The following ATXN10 variants were observed in gnomAD, a reference collection of about 807,000 sequenced individuals.
The protein encoded by ATXN10 is ataxin 10, also known as ataxin-10.
Under a neutral mutation model 52.9 loss-of-function variants are expected in ATXN10, and 28 were observed. The observed-to-expected ratio is 0.53, with a 90% CI of 0.39 to 0.73. The LOEUF (loss-of-function observed/expected upper bound fraction) is 0.73. Ranked by LOEUF, ATXN10 falls within the 30% of genes least tolerant of loss-of-function variation. The pLI is 0.00. For synonymous variants in ATXN10, 226 were observed against 221.5 expected, an observed-to-expected ratio of 1.02 and a Z score of -0.18; for missense variants, 565 against 577.0, an observed-to-expected ratio of 0.98 and a Z score of 0.21.
rs541947737 is a variant in ATXN10 at position 45,790,994 on chromosome 22, A to G, written c.1174-15965A>G. 7.9e-5 allele frequency among the ~76,000 whole-genome samples: 12 copies of G among 152,234 alleles called. No homozygotes were observed. The East Asian group carries it at 2.3e-3, about 29-fold the overall frequency. ...CTCAGCCTCCCCAGTAGCTGGGACT[A>G]CAGTTACACACTGTCACACCCAGCT... On this transcript the variant is annotated intron_variant, in intron 9 of 11. Coordinates refer to ENST00000252934, the MANE Select transcript of ATXN10 (RefSeq NM_013236.4). This position sits in a 1 kb window ranked among gnomAD's most constrained non-coding sequence, Gnocchi z 4.7.
intron 10 of ATXN10, among the ~76,000 whole-genome samples, chr22:45,830,716 T>A (rs1928963550): frequency 6.6e-6 from 1 of 150,858 alleles, no homozygotes; most frequent in Admixed American, 6.6e-5. Flanking sequence ...AAACAAGTCT[T>A]GGCATGAATG....
rs1340870531 is a variant in ATXN10, at chr22:45,833,821, C to T, written c.1238-9170C>T. On this transcript the variant is annotated intron_variant, in intron 10 of 11. Coordinates refer to ENST00000252934, the MANE Select transcript of ATXN10 (RefSeq NM_013236.4). The surrounding 1 kb of genome is among the most constrained non-coding windows in gnomAD (Gnocchi z 4.3). Reference sequence around the variant, plus strand: ...GAACTGCTCTGCCCTCCAGAGGTCTCTCTGGATGGACTGGTCGCGAGAGCA... The same window carrying T: ...GAACTGCTCTGCCCTCCAGAGGTCTTTCTGGATGGACTGGTCGCGAGAGCA... Among the ~76,000 whole-genome samples, 1 of 152,140 alleles carries T rather than the reference C, an allele frequency of 6.6e-6. No individual in the cohort carries two copies.
rs1360592376 is a variant in ATXN10, at chr22:45,805,274, G to T, written c.1174-1685G>T. 6.6e-6 allele frequency among the ~76,000 whole-genome samples: 1 copy of T among 152,214 alleles called. No homozygotes were observed. Among genetic ancestry groups the T allele is most frequent in the African/African-American group, 2.4e-5 (1 of 41,462 alleles). ...TTGCTGGGTGAAAATGTAAAATACTGTAAACACTGTGAAAACAGTCTGGCT... is the reference window on the plus strand; with the variant it reads ...TTGCTGGGTGAAAATGTAAAATACTTTAAACACTGTGAAAACAGTCTGGCT... On this transcript the variant is annotated intron_variant, in intron 9 of 11. Coordinates refer to ENST00000252934, the MANE Select transcript of ATXN10 (RefSeq NM_013236.4). The surrounding 1 kb of genome is among the most constrained non-coding windows in gnomAD (Gnocchi z 4.4).
rs1039995072 is a variant in ATXN10 at position 45,844,941 on chromosome 22, G to C, written c.*1270G>C. ...TGAAGTAAAAGTTTTCCCATGTGCT[G>C]TCTAATGTACTCTGTGTAACTCTGA... On this transcript the variant is annotated 3_prime_UTR_variant, in exon 12 of 12. Coordinates refer to ENST00000252934, the MANE Select transcript of ATXN10 (RefSeq NM_013236.4). 2 of 152,232 alleles carry C rather than the reference G, an allele frequency of 1.3e-5. No individual in the cohort carries two copies. Among genetic ancestry groups the C allele is most frequent in the Non-Finnish European group, 2.9e-5 (2 of 68,042 alleles). 9.4% of individuals were successfully genotyped at this position (152,232 alleles called of 1,614,324 possible).
intron 6 of ATXN10, among the ~76,000 whole-genome samples, chr22:45,724,351 A>G (rs1924783796): frequency 6.6e-6 from 1 of 152,076 alleles, no homozygotes. Context: ...TGACTTTTTA[A>G]TAATGGCCAC....
chr22:45,762,743 C>T lies in ATXN10; in HGVS notation c.1173+22205C>T, dbSNP rs1042219974. ...TCCAGGCTGGTGACCTCACATGGCC[C>T]CAGCCATCTCTCCACATCCTCCCCT... On this transcript the variant is annotated intron_variant, in intron 9 of 11. Coordinates refer to ENST00000252934, the MANE Select transcript of ATXN10 (RefSeq NM_013236.4). The surrounding 1 kb of genome is among the most constrained non-coding windows in gnomAD (Gnocchi z 4.3). 1.3e-5 allele frequency among the ~76,000 whole-genome samples: 2 copies of T among 152,182 alleles called. No individual in the cohort carries two copies. Among genetic ancestry groups the T allele is most frequent in the Non-Finnish European group, 2.9e-5 (2 of 68,028 alleles).
chr22:45,739,911 G>A (rs1314416335), intron 8 of ATXN10, among the ~76,000 whole-genome samples: 1 of 152,100 alleles, frequency 6.6e-6, no homozygotes, highest in Non-Finnish European at 1.5e-5. Context: ...GGCTTCTGAT[G>A]ATTTGGCCAG....
At chr22:45,730,134 A>G (rs1329183398) in intron 7 of ATXN10, among the ~76,000 whole-genome samples, 5 of 152,116 alleles carry the variant, frequency 3.3e-5, no homozygotes, top group Non-Finnish European at 5.9e-5. Context: ...GCTTGAGCCC[A>G]GGAATTCCAG....
rs751069204 is a variant in ATXN10, at chr22:45,718,962, C to T, written c.728+469C>T. 6.6e-6 allele frequency among the ~76,000 whole-genome samples: 1 copy of T among 151,886 alleles called. No individual in the cohort carries two copies. The highest frequency in any genetic ancestry group is 6.6e-5 in the Admixed American group (1 of 15,236). ...TTACTGTAGTAGGAAAAACAGTGAC[C>T]TAGGAGTTCTAAGACACTGGCCCTG... On this transcript the variant is annotated intron_variant, in intron 6 of 11. Coordinates refer to ENST00000252934, the MANE Select transcript of ATXN10 (RefSeq NM_013236.4). This position sits in a 1 kb window ranked among gnomAD's most constrained non-coding sequence, Gnocchi z 4.4.
At position 45,772,015 on chromosome 22, in the gene ATXN10, A is replaced by G. The variant is rs135987; in HGVS notation, c.1173+31477A>G. Among the ~76,000 whole-genome samples, 10,704 of 152,264 alleles carry G rather than the reference A, an allele frequency of 0.07. 1,148 individuals are homozygous for G. The highest frequency in any genetic ancestry group is 0.24 in the African/African-American group (9,823 of 41,504). ...AGATGTGATCCACAGTATTTTCTTT[A>G]GTCAGTAGCCCACATTTTCATTCTC... On this transcript the variant is annotated intron_variant, in intron 9 of 11. Transcript: ENST00000252934. This position sits in a 1 kb window ranked among gnomAD's most constrained non-coding sequence, Gnocchi z 4.1.
rs1927207465 is a variant in ATXN10 at position 45,783,131 on chromosome 22, A to G, written c.1174-23828A>G. ...TCTTTGGCATATTCAAATTGGCAGC[A>G]TCACTACTCTTGTACTTTGAGGTCA... On this transcript the variant is annotated intron_variant, in intron 9 of 11. Transcript: ENST00000252934. The surrounding 1 kb of genome is among the most constrained non-coding windows in gnomAD (Gnocchi z 5.0). Among the ~76,000 whole-genome samples the G allele has an allele frequency of 6.6e-6, 1 of 152,224 alleles. No individual in the cohort carries two copies. The highest frequency in any genetic ancestry group is 2.1e-4 in the South Asian group (1 of 4,836).
intron 1 of ATXN10, chr22:45,672,623 T>G (rs1922511338): frequency 6.5e-6 from 1 of 152,914 alleles, no homozygotes; most frequent in South Asian, 2.1e-4. Context: ...GATGGCAGTC[T>G]CTAGGCATGG....
chr22:45,747,199 G>A (rs908729857), intron 9 of ATXN10, among the ~76,000 whole-genome samples: 1 of 152,126 alleles, frequency 6.6e-6, no homozygotes, highest in Admixed American at 6.5e-5. Context: ...ATTCCAGGCA[G>A]GGTATTGAAA....
chr22:45,716,588 A>T (rs1041424790), intron 5 of ATXN10, among the ~76,000 whole-genome samples: 1 of 151,772 alleles, frequency 6.6e-6, no homozygotes, highest in Admixed American at 6.6e-5. Context: ...CAAGTAATCC[A>T]CCCACCTCAG....
intron 9 of ATXN10, among the ~76,000 whole-genome samples, chr22:45,747,597 G>T (rs888463618): frequency 6.6e-6 from 1 of 152,168 alleles, no homozygotes; most frequent in Admixed American, 6.5e-5. Context: ...CCACGTGTGT[G>T]CTGTTTATAG....
At position 45,757,300 on chromosome 22, in the gene ATXN10, C is replaced by T. The variant is rs1469000931; in HGVS notation, c.1173+16762C>T. Among the ~76,000 whole-genome samples the T allele has an allele frequency of 6.6e-6, 1 of 152,198 alleles. No homozygotes were observed. The highest frequency in any genetic ancestry group is 1.5e-5 in the Non-Finnish European group (1 of 68,032). ...AGCTACACCCTCCTCCCTCCCCTAGCCCCACACAAAACAAAAATGCCTCAG... is the reference window on the plus strand; with the variant it reads ...AGCTACACCCTCCTCCCTCCCCTAGTCCCACACAAAACAAAAATGCCTCAG... On this transcript the variant is annotated intron_variant, in intron 9 of 11. Transcript: ENST00000252934. The surrounding 1 kb of genome is among the most constrained non-coding windows in gnomAD (Gnocchi z 4.6).
Position 45,732,103 on chromosome 22 carries a change from T to C in ATXN10, c.894+2513T>C, listed in dbSNP as rs1925110117. ...TTTTCATATTTAGGAAAACTTCTAT[T>C]TTTCCTTTGGACTTTTTTCTCTAAG... On this transcript the variant is annotated intron_variant, in intron 7 of 11. Coordinates refer to ENST00000252934, the MANE Select transcript of ATXN10 (RefSeq NM_013236.4). The surrounding 1 kb of genome is among the most constrained non-coding windows in gnomAD (Gnocchi z 4.5). 6.6e-6 allele frequency among the ~76,000 whole-genome samples: 1 copy of C among 152,206 alleles called. No homozygotes were observed. Among genetic ancestry groups the C allele is most frequent in the Admixed American group, 6.5e-5 (1 of 15,284 alleles).
Position 45,843,250 on chromosome 22 carries a change from A to G in ATXN10, c.1425+72A>G. ...CTGTTTCCACTTCCCCATTGCTTCA[A>G]GCACGAGGCTCTTTGTAAGAATATG... is the stretch of plus-strand genomic sequence containing the variant. On this transcript the variant is annotated intron_variant, in intron 11 of 11. Coordinates refer to ENST00000252934, the MANE Select transcript of ATXN10 (RefSeq NM_013236.4). The surrounding 1 kb of genome is among the most constrained non-coding windows in gnomAD (Gnocchi z 4.5). 6.7e-7 allele frequency: 1 copy of G among 1,489,848 alleles called. No homozygotes were observed. The allele number at this position is 1,489,848 out of a possible 1,614,324, so 92.3% of individuals were successfully genotyped here.
rs145069369 is a variant in ATXN10 at position 45,794,384 on chromosome 22, CAT to C, written c.1174-12572_1174-12571del. Among the ~76,000 whole-genome samples, 1,083 of 150,132 alleles carry C rather than the reference CAT, an allele frequency of 7.2e-3. 8 individuals are homozygous for C. Among genetic ancestry groups the C allele is most frequent in the African/African-American group, 0.025 (1,027 of 40,870 alleles). ...TTCACATTTTTTTCATAAAATTGTT[CAT>C]ATTTTAATATTTTATCTAGGTTGTC... On this transcript the variant is annotated intron_variant, in intron 9 of 11. Coordinates refer to ENST00000252934, the MANE Select transcript of ATXN10 (RefSeq NM_013236.4).
Sources: gnomAD v4.1 joint callset for allele counts (sites outside exome capture counted in the v4.1 genomes callset) on GRCh38, gnomAD v4.1.1 for gene constraint, Gnocchi (gnomAD v3.1) non-coding constraint, MANE v1.5 for transcripts, NCBI Gene and HGNC (gene_info 2026-07-23, HGNC 2026-07-21) for gene names.